Variants in JAKMIP3 observed in about 807,000 individuals in gnomAD.
JAKMIP3 encodes janus kinase and microtubule-interacting protein 3.
A neutral mutation model predicts 118.5 loss-of-function variants in JAKMIP3; 58 were observed. That is an observed-to-expected ratio of 0.49 (90% CI 0.40 to 0.61). The LOEUF (loss-of-function observed/expected upper bound fraction) is 0.61. Ranked by LOEUF, JAKMIP3 falls within the 20% of genes least tolerant of loss-of-function variation. The pLI is 0.00. For synonymous variants in JAKMIP3, 486 were observed against 451.2 expected (o/e 1.08, Z -0.98); for missense variants, 950 against 1,109.0 (o/e 0.86, Z 2.04).
Position 132,164,698 on chromosome 10 carries a change from A to T in JAKMIP3, c.2453A>T (p.Glu818Val), listed in dbSNP as rs755682873. ...QRIKELEERI[E>V]AQKRQIKELE... Reference sequence around the variant, plus strand: ...ATTAAAGAGTTAGAAGAAAGAATAGAAGCTCAGAAGAGACAAATAAAGGAA... The same window carrying T: ...ATTAAAGAGTTAGAAGAAAGAATAGTAGCTCAGAAGAGACAAATAAAGGAA... The change falls in exon 21 of 24, where the codon GAA (glutamate) becomes GTA (valine). Residue 818 changes from glutamate to valine, a missense_variant. Glu to Val is a moderately radical substitution (Grantham distance 121). Transcript: ENST00000684848. 6.2e-7 allele frequency: 1 copy of T among 1,600,890 alleles called. No individual in the cohort carries two copies. The highest frequency in any genetic ancestry group is 8.6e-7 in the Non-Finnish European group (1 of 1,168,256).
intron 1 of JAKMIP3, among the ~76,000 whole-genome samples, chr10:132,089,329 C>T (rs555582554): frequency 1.7e-3 from 258 of 152,306 alleles, no homozygotes; most frequent in Non-Finnish European, 2.8e-3. Flanking sequence ...ATTGATACTT[C>T]CTATCCATGA....
chr10:132,180,316 C>A (rs1257941648), intron 23 of JAKMIP3, among the ~76,000 whole-genome samples: 1 of 151,226 alleles, frequency 6.6e-6, no homozygotes, highest in Non-Finnish European at 1.5e-5. Flanking sequence ...GCCACAGAGA[C>A]CAAGGCCAGA....
rs569802795 is a variant in JAKMIP3 at position 132,154,096 on chromosome 10, G to A, written c.2220+106G>A. ...CTCAGGTGCCCATGTGGGCCAGGTC[G>A]CAGGGCCCCTAATGGCCCCTAATGA... On this transcript the variant is annotated intron_variant, in intron 19 of 23. Coordinates refer to ENST00000684848, the MANE Select transcript of JAKMIP3 (RefSeq NM_001323087.2). 16 of 944,204 alleles carry A rather than the reference G, an allele frequency of 1.7e-5. No individual in the cohort carries two copies. The East Asian group carries it at 2.2e-4, about 13-fold the overall frequency. 58.5% of individuals were successfully genotyped at this position (944,204 alleles called of 1,614,324 possible).
chr10:132,122,435 C>T (rs2048732035), intron 3 of JAKMIP3, among the ~76,000 whole-genome samples: 1 of 152,262 alleles, frequency 6.6e-6, no homozygotes, highest in South Asian at 2.1e-4. Flanking sequence ...ATCTCAGGAG[C>T]CCACTGGGCA....
intron 2 of JAKMIP3, among the ~76,000 whole-genome samples, chr10:132,110,745 TGCCA>T (rs1471585056): frequency 6.6e-6 from 1 of 152,198 alleles, no homozygotes; most frequent in Admixed American, 6.5e-5. Context: ...CTCCTCCAGG[TGCCA>T]GCCCTCTGTC....
In JAKMIP3 at chr10:132,123,246, C is replaced by A. The variant is rs2048861556; in HGVS notation, c.633+5672C>A. 3.3e-5 allele frequency among the ~76,000 whole-genome samples: 5 copies of A among 152,208 alleles called. No individual in the cohort carries two copies. In the South Asian group the frequency reaches 1.0e-3, roughly 32 times the overall value. ...TGGGGCCCCAGAAGCAGCTGCGTGG[C>A]AGATCTGTGCCATGTCATCACAGAG... On this transcript the variant is annotated intron_variant, in intron 3 of 23. Coordinates refer to ENST00000684848, the MANE Select transcript of JAKMIP3 (RefSeq NM_001323087.2).
intron 11 of JAKMIP3, among the ~76,000 whole-genome samples, chr10:132,143,147 T>TGGGGGG (rs1189453501): frequency 6.8e-6 from 1 of 147,458 alleles, no homozygotes; most frequent in African/African-American, 2.6e-5. Context: ...TGAGTCGGGG[T>TGGGGGG]GGGGGGGGCT....
At chr10:132,174,760 G>A (rs905146557) in intron 23 of JAKMIP3, among the ~76,000 whole-genome samples, 1 of 152,272 alleles carries the variant, frequency 6.6e-6, no homozygotes, top group Non-Finnish European at 1.5e-5. Context: ...CACACGCAAC[G>A]TCTTCACAGG....
intron 16 of JAKMIP3, among the ~76,000 whole-genome samples, chr10:132,150,759 C>T (rs564295118): frequency 3.3e-5 from 5 of 152,120 alleles, no homozygotes; most frequent in South Asian, 4.1e-4. Flanking sequence ...TGTATCCGTC[C>T]TCCATAATCC....
chr10:132,163,757 G>C (rs2058619465), intron 20 of JAKMIP3, among the ~76,000 whole-genome samples: 1 of 152,260 alleles, frequency 6.6e-6, no homozygotes, highest in Admixed American at 6.5e-5. Flanking sequence ...TACCAGCCTA[G>C]TGTCCTGGGC....
At chr10:132,038,934 C>T (rs1019560561) in intron 1 of JAKMIP3, among the ~76,000 whole-genome samples, 3 of 152,132 alleles carry the variant, frequency 2.0e-5, no homozygotes, top group Admixed American at 6.5e-5. Context: ...AGGAGAAGCC[C>T]GGGATGGGCT....
chr10:132,047,382 G>A (rs562013062), intron 1 of JAKMIP3, among the ~76,000 whole-genome samples: 2 of 152,324 alleles, frequency 1.3e-5, no homozygotes, highest in South Asian at 2.1e-4. Context: ...AGAGAGGAAC[G>A]CATAGCTCAA....
At position 132,152,851 on chromosome 10, in the gene JAKMIP3, G is replaced by A. The variant is rs1026902237; in HGVS notation, c.2008-107G>A. ...CTTTTTAGCTCTGGCCCCCACCCAG[G>A]CGTCCCCAGTCAGCCTCCCCAGTCA... On this transcript the variant is annotated intron_variant, in intron 16 of 23. Coordinates refer to ENST00000684848, the MANE Select transcript of JAKMIP3 (RefSeq NM_001323087.2). The A allele has an allele frequency of 7.3e-6, 6 of 819,664 alleles. No individual in the cohort carries two copies. The African/African-American group carries it at 8.5e-5, about 12-fold the overall frequency. 50.8% of individuals were successfully genotyped at this position (819,664 alleles called of 1,614,324 possible). A position where few individuals can be genotyped will look rare whatever the true frequency, so the allele number is the denominator to read the frequency against.
Position 132,167,856 on chromosome 10 carries a change from A to ACCCCTCGGCCCTCGCCCCTCG in JAKMIP3, c.*23-76_*23-56dup, listed in dbSNP as rs1204218571. 78 of 338,500 alleles carry ACCCCTCGGCCCTCGCCCCTCG rather than the reference A, an allele frequency of 2.3e-4. No homozygotes were observed. In the East Asian group the frequency reaches 0.025, roughly 110 times the overall value. The allele number at this position is 338,500 out of a possible 1,614,324, so 21.0% of individuals were successfully genotyped here. A position where few individuals can be genotyped will look rare whatever the true frequency, so the allele number is the denominator to read the frequency against. On this transcript the variant is annotated intron_variant, in intron 22 of 23. Transcript: ENST00000684848. ...CCTCGGCCCTCGCCCCTCGCCCCTC[A>ACCCCTCGGCCCTCGCCCCTCG]CCCCTCGGCCCTCGCCCCTCGCCCC...
At position 132,117,254 on chromosome 10, in the gene JAKMIP3, G is replaced by A; in HGVS notation, c.313G>A (p.Val105Ile). 1 of 1,613,974 alleles carries A rather than the reference G, an allele frequency of 6.2e-7. No individual in the cohort carries two copies. The highest frequency in any genetic ancestry group is 8.5e-7 in the Non-Finnish European group (1 of 1,179,900). Reference protein sequence around the residue: ...LRQHEAELLRVIKIKDNENQR... With the variant: ...LRQHEAELLRIIKIKDNENQR... ...GCAGCATGAGGCTGAGCTGCTCAGG[G>A]TCATCAAGATCAAGGACAACGAGAA... is the stretch of plus-strand genomic sequence containing the variant. The change falls in exon 3 of 24, where the codon GTC becomes ATC. Residue 105 changes from valine (V) to isoleucine (I), a missense_variant. By Grantham distance (29) the Val-to-Ile change is conservative. Transcript: ENST00000684848. The surrounding 1 kb of genome is among the most constrained non-coding windows in gnomAD (Gnocchi z 8.6).
intron 8 of JAKMIP3, among the ~76,000 whole-genome samples, chr10:132,137,855 G>C (rs773232309): frequency 3.9e-5 from 6 of 152,208 alleles, no homozygotes; most frequent in Non-Finnish European, 7.3e-5. Flanking sequence ...GCCCCTGGAC[G>C]CATTTAGAAG....
rs552674153 is a variant in JAKMIP3, at chr10:132,131,496, C to T, written c.634-1816C>T. On this transcript the variant is annotated intron_variant, in intron 3 of 23. Transcript: ENST00000684848. ...GCCCGGGGAGATGGGAGCTCTGGGG[C>T]ACCCGGGGGCTCCAGCAAGTGTTGT... 4.6e-5 allele frequency among the ~76,000 whole-genome samples: 7 copies of T among 151,632 alleles called. No homozygotes were observed. The East Asian group carries it at 5.8e-4, about 13-fold the overall frequency.
chr10:132,080,342 T>C (rs1432904246), intron 1 of JAKMIP3, among the ~76,000 whole-genome samples: 1 of 152,110 alleles, frequency 6.6e-6, no homozygotes, highest in Non-Finnish European at 1.5e-5. Flanking sequence ...GAGGTGGCGT[T>C]GCATAGTGGT....
chr10:132,142,680 G>A (rs1237331026), intron 11 of JAKMIP3, among the ~76,000 whole-genome samples: 3 of 152,198 alleles, frequency 2.0e-5, no homozygotes, highest in African/African-American at 4.8e-5. Flanking sequence ...GCCATGGGTC[G>A]GGGGTCCTCT....
Sources: allele counts gnomAD v4.1 joint callset (sites outside exome capture counted in the v4.1 genomes callset), GRCh38; gene constraint gnomAD v4.1.1; non-coding constraint Gnocchi (gnomAD v3.1); transcripts MANE v1.5; gene names NCBI Gene and HGNC (gene_info 2026-07-23, HGNC 2026-07-21).